Variants in GMEB1 observed in about 807,000 individuals in gnomAD.
GMEB1 encodes glucocorticoid modulatory element-binding protein 1.
GMEB1 carries 6 observed loss-of-function variants against 52.4 expected under a neutral mutation model. That is an observed-to-expected ratio of 0.11 (90% confidence interval 0.06 to 0.23). The LOEUF (loss-of-function observed/expected upper bound fraction) is 0.23, where lower values mean the gene tolerates loss of function less well. Among genes scored for constraint, GMEB1 ranks in the 10% least tolerant of loss-of-function variants. The probability of loss-of-function intolerance (pLI) is 1.00; values close to 1 mark genes in which losing one functional copy is unlikely to be tolerated. For missense variants in GMEB1, 486 were observed against 685.6 expected (o/e 0.71, Z 3.25); for synonymous variants, 255 against 244.9 (o/e 1.04, Z -0.38).
In GMEB1 at chr1:28,715,006, T is replaced by G. The variant is rs754603263; in HGVS notation, c.*233T>G. 6.1e-6 allele frequency: 3 copies of G among 489,018 alleles called. No homozygotes were observed. The highest frequency in any genetic ancestry group is 1.1e-5 in the Non-Finnish European group (3 of 274,786). 30.3% of individuals were successfully genotyped at this position (489,018 alleles called of 1,614,324 possible). On this transcript the variant is annotated 3_prime_UTR_variant, in exon 10 of 10. Transcript: ENST00000373816. The stretch of plus-strand genomic sequence containing the variant: ...AGGTCATTCAATGTCCTAATCATCT[T>G]ACACCAAGAAAGTAATTTCTTTTAG...
At chr1:28,710,185 G>A (rs1323428659) in intron 8 of GMEB1, among the ~76,000 whole-genome samples, 1 of 152,088 alleles carries the variant, frequency 6.6e-6, no homozygotes, top group Non-Finnish European at 1.5e-5. Context: ...ATTTATGTAA[G>A]TAGAGACAGG....
chr1:28,710,263 C>G (rs974482831), intron 8 of GMEB1, among the ~76,000 whole-genome samples: 10 of 152,174 alleles, frequency 6.6e-5, no homozygotes, highest in Non-Finnish European at 1.3e-4. Flanking sequence ...CCTTGGCCTC[C>G]CAAAGTGTTG....
rs184646735 is a variant in GMEB1, at chr1:28,711,098, C to T, written c.991+456C>T. Among the ~76,000 whole-genome samples the T allele has an allele frequency of 6.9e-3, 1,048 of 152,006 alleles. 7 individuals carry two copies. The highest frequency in any genetic ancestry group is 0.011 in the Non-Finnish European group (725 of 67,968). ...GTCAAGAGATTGAGACAATCCTGGC[C>T]AACATGGTGAAACCCTGTCTCTACT... On this transcript the variant is annotated intron_variant, in intron 9 of 9. Coordinates refer to ENST00000373816, the MANE Select transcript of GMEB1 (RefSeq NM_001319674.2).
rs1164820404 is a variant in GMEB1, at chr1:28,718,037, C to G, written c.*3264C>G. 1 of 152,254 alleles carries G rather than the reference C, an allele frequency of 6.6e-6. No homozygotes were observed. The highest frequency in any genetic ancestry group is 2.4e-5 in the African/African-American group (1 of 41,548). The allele number at this position is 152,254 out of a possible 1,614,324, so 9.4% of individuals were successfully genotyped here. A position where few individuals can be genotyped will look rare whatever the true frequency, so the allele number is the denominator to read the frequency against. ...GTCATTATTGTTAGATATTATGGCA[C>G]CTGTTGTTGAATGTAGGTTCCCTTA... On this transcript the variant is annotated 3_prime_UTR_variant, in exon 10 of 10. Transcript: ENST00000373816.
chr1:28,701,266 GTCTTTTTTT>G lies in GMEB1; in HGVS notation c.599-1170_599-1162del, dbSNP rs1422016084. On this transcript the variant is annotated intron_variant, in intron 6 of 9. Transcript: ENST00000373816. ...TCTTGATTCTCTTTGTTTAAAAGCTGTCTTTTTTTTTTTTTTTTTGAGATGATTTCGCTC... is the reference window on the plus strand; with the variant it reads ...TCTTGATTCTCTTTGTTTAAAAGCTGTTTTTTTTTTGAGATGATTTCGCTC... 4.5e-3 allele frequency among the ~76,000 whole-genome samples: 397 copies of G among 87,634 alleles called. 4 individuals carry two copies. The highest frequency in any genetic ancestry group is 0.016 in the African/African-American group (386 of 24,226). 57.5% of individuals were successfully genotyped at this position (87,634 alleles called of 152,430 possible). A position where few individuals can be genotyped will look rare whatever the true frequency, so the allele number is the denominator to read the frequency against.
At chr1:28,687,359 C>T (rs1436644216) in intron 2 of GMEB1, among the ~76,000 whole-genome samples, 1 of 45,540 alleles carries the variant, frequency 2.2e-5, no homozygotes, top group African/African-American at 1.0e-4. Context: ...CACACACACA[C>T]ACACACACAC....
At chr1:28,708,604 G>A (rs2124580243) in intron 8 of GMEB1, among the ~76,000 whole-genome samples, 1 of 152,096 alleles carries the variant, frequency 6.6e-6, no homozygotes, top group South Asian at 2.1e-4. Flanking sequence ...TGGGACTATA[G>A]GCATGCACCA....
At chr1:28,692,236 C>T (rs1032628681) in intron 4 of GMEB1, among the ~76,000 whole-genome samples, 2 of 143,552 alleles carry the variant, frequency 1.4e-5, no homozygotes, top group South Asian at 4.5e-4. Flanking sequence ...CTTGCATCTT[C>T]AAAAAAAACT....
intron 2 of GMEB1, among the ~76,000 whole-genome samples, chr1:28,686,676 C>G (rs973726496): frequency 6.8e-6 from 1 of 146,804 alleles, no homozygotes; most frequent in African/African-American, 2.5e-5. Context: ...AGAATGTATT[C>G]TTTTAAGAGA....
intron 9 of GMEB1, among the ~76,000 whole-genome samples, chr1:28,712,442 T>C (rs1671098472): frequency 6.6e-6 from 1 of 152,220 alleles, no homozygotes; most frequent in African/African-American, 2.4e-5. Flanking sequence ...TCCTAGTCTT[T>C]AATCATGCCT....
At position 28,702,575 on chromosome 1, in the gene GMEB1, C is replaced by T; in HGVS notation, c.730+6C>T. On this transcript the variant is annotated splice_donor_region_variant and intron_variant, in intron 7 of 9. Coordinates refer to ENST00000373816, the MANE Select transcript of GMEB1 (RefSeq NM_001319674.2). ...AGACTCAGAGGAAATTTCAGGTATT[C>T]TTCTATAGGGCTCAGATGTCTTGCA... 2.5e-6 allele frequency: 4 copies of T among 1,612,374 alleles called. No individual in the cohort carries two copies. The highest frequency in any genetic ancestry group is 3.4e-6 in the Non-Finnish European group (4 of 1,179,052).
chr1:28,687,383 C>CAAAAA (rs1435336898), intron 2 of GMEB1, among the ~76,000 whole-genome samples: 5 of 35,200 alleles, frequency 1.4e-4, no homozygotes, highest in African/African-American at 3.2e-4. Flanking sequence ...CACACACACA[C>CAAAAA]ACACAAAAAA....
At chr1:28,689,047 G>A (rs901199699) in intron 2 of GMEB1, among the ~76,000 whole-genome samples, 9 of 151,806 alleles carry the variant, frequency 5.9e-5, no homozygotes, top group Non-Finnish European at 1.2e-4. Context: ...GCGCCACCAT[G>A]CCTGACTAAT....
At chr1:28,673,581 C>G (rs541151039) in intron 1 of GMEB1, among the ~76,000 whole-genome samples, 1 of 152,282 alleles carries the variant, frequency 6.6e-6, no homozygotes, top group South Asian at 2.1e-4. Context: ...TCAAACATAG[C>G]ATCTTGCCAC....
chr1:28,675,620 C>T (rs990570563), intron 1 of GMEB1, among the ~76,000 whole-genome samples: 18 of 147,802 alleles, frequency 1.2e-4, no homozygotes, highest in African/African-American at 4.5e-4. Context: ...GCAGAAGTTG[C>T]AGTGAGCGGA....
chr1:28,712,372 A>G (rs1162082620), intron 9 of GMEB1, among the ~76,000 whole-genome samples: 1 of 152,102 alleles, frequency 6.6e-6, no homozygotes, highest in Non-Finnish European at 1.5e-5. Flanking sequence ...TTCATTGGCC[A>G]TTGGTAATCA....
Position 28,702,503 on chromosome 1 carries a change from G to A in GMEB1, c.664G>A (p.Ala222Thr), listed in dbSNP as rs750923532. The change falls in exon 7 of 10, where the codon GCT becomes ACT. Residue 222 changes from alanine to threonine, a missense_variant. Physicochemically the swap from Ala to Thr is moderately conservative, Grantham distance 58. Around this residue, in one of 5 missense-constraint regions of GMEB1, gnomAD observed 200 missense variants for 253.5 expected, o/e 0.79. Transcript: ENST00000373816. Reference sequence around the variant, plus strand: ...AGAGGCAGGGCTGGAATGGAACTCAGCTCTCACCGCTGCTGTCACCATGGC... The same window carrying A: ...AGAGGCAGGGCTGGAATGGAACTCAACTCTCACCGCTGCTGTCACCATGGC... ...MEEAGLEWNS[A>T]LTAAVTMATE... The A allele has an allele frequency of 6.2e-7, 1 of 1,613,596 alleles. No individual in the cohort carries two copies. The highest frequency in any genetic ancestry group is 1.1e-5 in the South Asian group (1 of 91,060).
At chr1:28,696,649 A>T (rs1380145552) in intron 5 of GMEB1, among the ~76,000 whole-genome samples, 1 of 152,070 alleles carries the variant, frequency 6.6e-6, no homozygotes, top group East Asian at 1.9e-4. Flanking sequence ...TTTTTAAAAG[A>T]CTGAAACTTT....
chr1:28,670,280 G>A (rs1484335855), intron 1 of GMEB1, among the ~76,000 whole-genome samples: 1 of 152,108 alleles, frequency 6.6e-6, no homozygotes, highest in Non-Finnish European at 1.5e-5. Context: ...AGCCTCCCGA[G>A]TAGCTGGGAC....
Sources: allele counts gnomAD v4.1 joint callset (sites outside exome capture counted in the v4.1 genomes callset), GRCh38; gene constraint gnomAD v4.1.1; regional missense constraint gnomAD v4.1.1; transcripts MANE v1.5; gene names NCBI Gene and HGNC (gene_info 2026-07-23, HGNC 2026-07-21).